Variants in KIFAP3 observed in about 807,000 individuals in gnomAD.
KIFAP3 encodes the protein kinesin associated protein 3.
A neutral mutation model predicts 106.5 loss-of-function variants in KIFAP3; 68 were observed. That is an observed-to-expected ratio of 0.64 (90% CI 0.53 to 0.78). The LOEUF (loss-of-function observed/expected upper bound fraction) is 0.78, where lower values mean the gene tolerates loss of function less well. Among genes scored for constraint, KIFAP3 ranks in the 30% least tolerant of loss-of-function variants. KIFAP3 has a pLI of 0.00. For missense variants in KIFAP3, 780 were observed against 941.8 expected, an observed-to-expected ratio of 0.83 and a Z score of 2.25; for synonymous variants, 320 against 311.5, an observed-to-expected ratio of 1.03 and a Z score of -0.29.
intron 10 of KIFAP3, among the ~76,000 whole-genome samples, chr1:170,002,096 T>C (rs1260523137): frequency 6.6e-6 from 1 of 152,170 alleles, no homozygotes; most frequent in African/African-American, 2.4e-5. Flanking sequence ...CAGTATCTGC[T>C]CTGGTGATCT....
At chr1:170,069,800 T>C (rs1206186036) in intron 1 of KIFAP3, among the ~76,000 whole-genome samples, 1 of 150,672 alleles carries the variant, frequency 6.6e-6, no homozygotes, top group Non-Finnish European at 1.5e-5. Context: ...TTCAACATAG[T>C]ACTGGAAATT....
intron 10 of KIFAP3, among the ~76,000 whole-genome samples, chr1:170,004,993 A>C (rs1667870801): frequency 6.6e-6 from 1 of 152,174 alleles, no homozygotes; most frequent in Non-Finnish European, 1.5e-5. Context: ...TCTACAATGA[A>C]CCCAAACAAA....
At chr1:169,988,589 T>G (rs1208439245) in intron 11 of KIFAP3, among the ~76,000 whole-genome samples, 1 of 151,944 alleles carries the variant, frequency 6.6e-6, no homozygotes, top group Non-Finnish European at 1.5e-5. Context: ...CATGAATGAG[T>G]TTAAAGCCTT....
intron 19 of KIFAP3, among the ~76,000 whole-genome samples, chr1:169,936,220 T>C (rs1315897058): frequency 6.6e-6 from 1 of 151,814 alleles, no homozygotes; most frequent in Non-Finnish European, 1.5e-5. Context: ...TGGAACATTT[T>C]ACATTTCTAT....
chr1:170,065,233 A>T (rs1229115392), intron 1 of KIFAP3, among the ~76,000 whole-genome samples: 1 of 152,174 alleles, frequency 6.6e-6, no homozygotes, highest in Non-Finnish European at 1.5e-5. Context: ...GCACCCATTT[A>T]CCATTAACTT....
intron 10 of KIFAP3, among the ~76,000 whole-genome samples, chr1:170,007,675 T>C (rs1484338313): frequency 1.3e-5 from 2 of 152,064 alleles, no homozygotes; most frequent in Admixed American, 6.6e-5. Context: ...ATCAATATTG[T>C]GAAAATGGCC....
intron 11 of KIFAP3, among the ~76,000 whole-genome samples, chr1:169,989,665 A>G (rs995117288): frequency 9.9e-5 from 15 of 152,056 alleles, no homozygotes; most frequent in African/African-American, 3.1e-4. Flanking sequence ...CTTGCTAGAT[A>G]AGATATGCTG....
At chr1:170,006,475 A>G (rs943578672) in intron 10 of KIFAP3, among the ~76,000 whole-genome samples, 1 of 151,636 alleles carries the variant, frequency 6.6e-6, no homozygotes, top group Non-Finnish European at 1.5e-5. Context: ...TGGATAGGGG[A>G]GGTGGGTGGT....
intron 18 of KIFAP3, among the ~76,000 whole-genome samples, chr1:169,955,145 C>T (rs1057250109): frequency 1.3e-5 from 2 of 151,996 alleles, no homozygotes; most frequent in African/African-American, 4.8e-5. Flanking sequence ...TGTTGAGTGG[C>T]CTGCAGATAA....
intron 18 of KIFAP3, among the ~76,000 whole-genome samples, chr1:169,955,592 T>C (rs2806393): frequency 0.33 from 49,660 of 151,868 alleles, 8,779 homozygotes; most frequent in East Asian, 0.69. Flanking sequence ...AGTAATAGAG[T>C]TGGCAAACGA....
At chr1:170,064,013 T>C (rs1332484241) in intron 1 of KIFAP3, among the ~76,000 whole-genome samples, 1 of 152,210 alleles carries the variant, frequency 6.6e-6, no homozygotes, top group Non-Finnish European at 1.5e-5. Context: ...ATATTGTTAT[T>C]TGCATTTGTA....
upstream of KIFAP3, among the ~76,000 whole-genome samples, chr1:170,079,180 A>G (rs553533321): frequency 6.6e-6 from 1 of 152,218 alleles, no homozygotes; most frequent in Non-Finnish European, 1.5e-5. Context: ...TTGCTCTATT[A>G]GTTCCTGTGA....
intron 15 of KIFAP3, among the ~76,000 whole-genome samples, chr1:169,980,905 C>G (rs1666483403): frequency 6.6e-6 from 1 of 152,128 alleles, no homozygotes; most frequent in Non-Finnish European, 1.5e-5. Context: ...AGTTCAAGAC[C>G]AGCCTGACCA....
At chr1:169,930,681 A>G (rs1037079467) in intron 19 of KIFAP3, among the ~76,000 whole-genome samples, 1 of 152,148 alleles carries the variant, frequency 6.6e-6, no homozygotes, top group East Asian at 1.9e-4. Flanking sequence ...TCCAGGCTTT[A>G]TTTAGAGAAT....
chr1:169,985,943 C>T (rs1666806502), intron 11 of KIFAP3, among the ~76,000 whole-genome samples: 1 of 151,832 alleles, frequency 6.6e-6, no homozygotes. Context: ...AGAAGCTAGT[C>T]TTCTATTATT....
chr1:170,083,487 G>A (rs898890131), intron 1 of KIFAP3, among the ~76,000 whole-genome samples: 1 of 152,128 alleles, frequency 6.6e-6, no homozygotes. Flanking sequence ...ATTTACTTTT[G>A]ACCTTGGGCA....
intron 2 of KIFAP3, among the ~76,000 whole-genome samples, chr1:170,050,120 T>C (rs1158958768): frequency 1.3e-5 from 2 of 152,032 alleles, no homozygotes; most frequent in Admixed American, 6.6e-5. Context: ...AACTGATAAC[T>C]AGAATAACCA....
intron 3 of KIFAP3, among the ~76,000 whole-genome samples, chr1:170,041,108 C>A (rs1349819304): frequency 6.6e-6 from 1 of 152,122 alleles, no homozygotes; most frequent in Non-Finnish European, 1.5e-5. Flanking sequence ...TAGGCGTGAG[C>A]CACCACACCC....
In KIFAP3 at chr1:169,970,816, G is replaced by C. The variant is rs145354328; in HGVS notation, c.1983+1697C>G. Among the ~76,000 whole-genome samples, 497 of 152,100 alleles carry C rather than the reference G, an allele frequency of 3.3e-3. 7 individuals are homozygous for C. The highest frequency in any genetic ancestry group is 0.012 in the African/African-American group (488 of 41,522). ...TCTTTTTAGTGAACACCATTTCAAT[G>C]CAGCAATGGAAGCAGAAGCCAGAAT... On this transcript the variant is annotated intron_variant, in intron 17 of 19. Transcript: ENST00000361580.
Sources: allele counts gnomAD v4.1 joint callset (sites outside exome capture counted in the v4.1 genomes callset), GRCh38; gene constraint gnomAD v4.1.1; transcripts MANE v1.5; gene names NCBI Gene and HGNC (gene_info 2026-07-23, HGNC 2026-07-21).